Variants in LTBP1 observed in about 807,000 individuals in gnomAD.
LTBP1 encodes the protein latent-transforming growth factor beta-binding protein 1.
Under a neutral mutation model 207.6 loss-of-function variants are expected in LTBP1, and 129 were observed. The ratio of observed to expected loss-of-function variants is 0.62; its 90% CI spans 0.54 to 0.72. LTBP1 has a LOEUF of 0.72. Ranked by LOEUF, LTBP1 falls within the 30% of genes least tolerant of loss-of-function variation. The probability of loss-of-function intolerance (pLI) is 0.00; values close to 1 mark genes in which losing one functional copy is unlikely to be tolerated. For missense variants in LTBP1, 2,281 were observed against 2,217.2 expected (o/e 1.03, Z -0.58); for synonymous variants, 963 against 833.7 (o/e 1.16, Z -2.67).
At chr2:32,988,695 C>G (rs1008109959) in intron 2 of LTBP1, among the ~76,000 whole-genome samples, 4 of 152,204 alleles carry the variant, frequency 2.6e-5, no homozygotes, top group African/African-American at 9.7e-5. Context: ...TGTGAACGCC[C>G]TTCAGGATCA....
chr2:33,358,163 C>T lies in LTBP1; in HGVS notation c.4001-2434C>T, dbSNP rs149674352. On this transcript the variant is annotated intron_variant, in intron 26 of 33. Coordinates refer to ENST00000404816, the MANE Select transcript of LTBP1 (RefSeq NM_206943.4). ...TCAAGATGAGGGCTTGACTAACCCTCAGTTTCAGCTGTATAAACATTGAAC... is the reference window on the plus strand; with the variant it reads ...TCAAGATGAGGGCTTGACTAACCCTTAGTTTCAGCTGTATAAACATTGAAC... Among the ~76,000 whole-genome samples, 218 of 152,218 alleles carry T rather than the reference C, an allele frequency of 1.4e-3. 1 individual carries two copies. The highest frequency in any genetic ancestry group is 4.3e-3 in the African/African-American group (179 of 41,558).
Position 33,222,111 on chromosome 2 carries a change from C to T in LTBP1, c.1836C>T (p.Cys612=), listed in dbSNP as rs754799443. 1.4e-5 allele frequency: 23 copies of T among 1,612,570 alleles called. No homozygotes were observed. The highest frequency in any genetic ancestry group is 2.2e-5 in the East Asian group (1 of 44,878). Residue 612 remains cysteine (C), a synonymous_variant, in exon 9 of 34, where the codon TGC becomes TGT. Transcript: ENST00000404816. ...SYHGYNQMME[C]LPGYKRVNNT... ...ATGGATACAACCAAATGATGGAATGCCTACCGGGTTATAAGCGGGTTAACA... is the reference window on the plus strand; with the variant it reads ...ATGGATACAACCAAATGATGGAATGTCTACCGGGTTATAAGCGGGTTAACA...
intron 4 of LTBP1, among the ~76,000 whole-genome samples, chr2:33,119,278 C>T (rs1028904382): frequency 2.6e-5 from 4 of 151,992 alleles, no homozygotes; most frequent in African/African-American, 9.7e-5. Context: ...CTTAGGATAC[C>T]TTTGCCAGAA....
At chr2:33,209,015 C>T (rs1440368898) in intron 7 of LTBP1, among the ~76,000 whole-genome samples, 1 of 151,776 alleles carries the variant, frequency 6.6e-6, no homozygotes, top group Non-Finnish European at 1.5e-5. Context: ...TTACAGGCGC[C>T]CGCCACCAAG....
At chr2:33,072,451 G>T (rs34903685) in intron 3 of LTBP1, among the ~76,000 whole-genome samples, 9,816 of 152,262 alleles carry the variant, frequency 0.064, 391 homozygotes, top group South Asian at 0.14. Context: ...CCTTCCTCCA[G>T]GGTCTGGGGC....
chr2:33,285,421 TGGAG>T (rs1306104158), intron 19 of LTBP1, among the ~76,000 whole-genome samples: 1 of 151,252 alleles, frequency 6.6e-6, no homozygotes, highest in Non-Finnish European at 1.5e-5. Context: ...CTTATGTCAT[TGGAG>T]CATTCTCTTT....
At chr2:33,112,062 T>C (rs2080443489) in intron 4 of LTBP1, among the ~76,000 whole-genome samples, 1 of 152,216 alleles carries the variant, frequency 6.6e-6, no homozygotes, top group South Asian at 2.1e-4. Flanking sequence ...CCTTGGGGTT[T>C]TATACAGATG....
At position 33,347,488 on chromosome 2, in the gene LTBP1, G is replaced by A. The variant is rs6706620; in HGVS notation, c.3978G>A (p.Gln1326=). 0.11 allele frequency: 179,095 copies of A among 1,613,990 alleles called. 10,918 individuals carry two copies. Among genetic ancestry groups the A allele is most frequent in the African/African-American group, 0.17 (12,962 of 74,976 alleles). Residue 1326 remains glutamine, a synonymous_variant, in exon 26 of 34, where the codon CAG becomes CAA. Coordinates refer to ENST00000404816, the MANE Select transcript of LTBP1 (RefSeq NM_206943.4). ...AAGAGTACAGCCCCATGACTGGGCA[G>A]TGCCGCTCCCGGACCTCCACAGGTA... ...ENQEYSPMTG[Q]CRSRTSTDLD...
chr2:33,206,800 G>T (rs2089918954), intron 7 of LTBP1, among the ~76,000 whole-genome samples: 2 of 151,810 alleles, frequency 1.3e-5, no homozygotes, highest in African/African-American at 4.8e-5. Flanking sequence ...TTTTGGGGGT[G>T]ATCAGGTTGC....
chr2:32,988,798 ATTGT>A (rs574474149), intron 2 of LTBP1, among the ~76,000 whole-genome samples: 103 of 152,308 alleles, frequency 6.8e-4, no homozygotes, highest in Non-Finnish European at 1.2e-3. Flanking sequence ...TGATGTTAAC[ATTGT>A]TTGTTCTGCC....
intron 5 of LTBP1, among the ~76,000 whole-genome samples, chr2:33,136,151 T>G (rs2082128622): frequency 6.6e-6 from 1 of 152,210 alleles, no homozygotes; most frequent in African/African-American, 2.4e-5. Flanking sequence ...TGCCCATAGA[T>G]ACGATTTAAA....
chr2:33,272,954 A>G (rs139976216), intron 15 of LTBP1, among the ~76,000 whole-genome samples: 2 of 152,176 alleles, frequency 1.3e-5, no homozygotes, highest in African/African-American at 4.8e-5. Flanking sequence ...GGACTTGAAC[A>G]GGGCTAATCT....
At chr2:32,991,804 C>T (rs1457809292) in intron 2 of LTBP1, among the ~76,000 whole-genome samples, 2 of 152,344 alleles carry the variant, frequency 1.3e-5, no homozygotes, top group East Asian at 3.9e-4. Flanking sequence ...CCACAGGCAA[C>T]TTAGCCTGCA....
intron 3 of LTBP1, among the ~76,000 whole-genome samples, chr2:33,046,384 G>T (rs2076445041): frequency 6.6e-6 from 1 of 152,190 alleles, no homozygotes; most frequent in Non-Finnish European, 1.5e-5. Context: ...TGTGGTTTTT[G>T]TCGTTGGTTC....
At chr2:32,961,353 C>T (rs1208960946) in intron 2 of LTBP1, among the ~76,000 whole-genome samples, 2 of 152,194 alleles carry the variant, frequency 1.3e-5, no homozygotes, top group African/African-American at 4.8e-5. Context: ...AGCCAAGTCA[C>T]TGGTCACTAT....
chr2:33,126,718 C>G (rs146000743), intron 4 of LTBP1, among the ~76,000 whole-genome samples: 19 of 152,212 alleles, frequency 1.2e-4, no homozygotes, highest in African/African-American at 2.4e-4. Context: ...AGGCTGAAAT[C>G]TTTCCTAATG....
chr2:33,138,770 T>G (rs2082347657), intron 5 of LTBP1, among the ~76,000 whole-genome samples: 1 of 151,912 alleles, frequency 6.6e-6, no homozygotes, highest in Non-Finnish European at 1.5e-5. Flanking sequence ...TTGGTTTATG[T>G]GAATCTAAAG....
intron 14 of LTBP1, 45 bp from the exon 15 acceptor site, chr2:33,263,249 A>C (rs772055341): frequency 1.7e-6 from 2 of 1,157,124 alleles, no homozygotes; most frequent in Non-Finnish European, 2.6e-6. Context: ...CTCAATGCAC[A>C]TAACGGGCTT....
chr2:33,090,473 A>G (rs918740651), intron 3 of LTBP1, among the ~76,000 whole-genome samples: 1 of 152,136 alleles, frequency 6.6e-6, no homozygotes, highest in Non-Finnish European at 1.5e-5. Flanking sequence ...AATTGATGAC[A>G]TTTACTGAAT....
Sources: gnomAD v4.1 joint callset for allele counts (sites outside exome capture counted in the v4.1 genomes callset) on GRCh38, gnomAD v4.1.1 for gene constraint, MANE v1.5 for transcripts, NCBI Gene and HGNC (gene_info 2026-07-23, HGNC 2026-07-21) for gene names.